ALG14: variants seen among roughly 807,000 people sequenced by gnomAD.
ALG14 encodes the protein ALG14 UDP-N-acetylglucosaminyltransferase subunit.
Under a neutral mutation model 22.8 loss-of-function variants are expected in ALG14, and 17 were observed. The observed-to-expected ratio is 0.75, with a 90% CI of 0.51 to 1.12. The LOEUF (loss-of-function observed/expected upper bound fraction) is 1.12. Ranked by LOEUF, ALG14 falls within the 50% of genes most tolerant of loss-of-function variation. The pLI is 0.00. For missense variants in ALG14, 288 were observed against 271.8 expected, an observed-to-expected ratio of 1.06 and a Z score of -0.42; for synonymous variants, 89 against 103.7, an observed-to-expected ratio of 0.86 and a Z score of 0.86.
At chr1:95,020,451 A>G (rs1402240176) in intron 3 of ALG14, among the ~76,000 whole-genome samples, 2 of 151,570 alleles carry the variant, frequency 1.3e-5, no homozygotes, top group Non-Finnish European at 2.9e-5. Flanking sequence ...AAAAATGCTA[A>G]GTGGTGGCCA....
chr1:95,041,148 C>T (rs1459308756), intron 2 of ALG14, among the ~76,000 whole-genome samples: 6 of 152,088 alleles, frequency 3.9e-5, no homozygotes, highest in African/African-American at 1.2e-4. Flanking sequence ...CAAATATTTT[C>T]TTATTCAAAT....
intron 2 of ALG14, among the ~76,000 whole-genome samples, chr1:95,032,251 A>G (rs566537401): frequency 6.6e-6 from 1 of 152,280 alleles, no homozygotes; most frequent in Admixed American, 6.5e-5. Flanking sequence ...CCATCTTCCT[A>G]TCACCTAGCT....
At chr1:95,052,521 T>C (rs1674781253) in intron 2 of ALG14, among the ~76,000 whole-genome samples, 1 of 152,206 alleles carries the variant, frequency 6.6e-6, no homozygotes, top group Admixed American at 6.5e-5. Context: ...GGAGATATTA[T>C]ATTTTTTCCT....
chr1:95,050,807 C>A (rs1322986464), intron 2 of ALG14, among the ~76,000 whole-genome samples: 1 of 151,998 alleles, frequency 6.6e-6, no homozygotes, highest in East Asian at 1.9e-4. Flanking sequence ...TAATAGAAGG[C>A]CCTAAGGCCC....
At chr1:95,009,030 A>G (rs150715497) in intron 3 of ALG14, among the ~76,000 whole-genome samples, 3 of 152,118 alleles carry the variant, frequency 2.0e-5, no homozygotes, top group Non-Finnish European at 2.9e-5. Flanking sequence ...CATTGTGTAT[A>G]TATACTACAT....
chr1:94,983,572 T>C (rs1557936895), intron 3 of ALG14: 3 of 451,526 alleles, frequency 6.6e-6, no homozygotes, highest in Non-Finnish European at 1.2e-5. Flanking sequence ...GCACAGTTCC[T>C]GGTGCTCAGT....
chr1:95,032,114 C>G (rs930417170), intron 2 of ALG14, among the ~76,000 whole-genome samples: 2 of 151,798 alleles, frequency 1.3e-5, no homozygotes, highest in African/African-American at 2.4e-5. Context: ...TGGCCCTGGG[C>G]CAGGAACTTT....
chr1:95,015,862 G>A (rs1044188896), intron 3 of ALG14, among the ~76,000 whole-genome samples: 1 of 152,242 alleles, frequency 6.6e-6, no homozygotes. Context: ...ACTGGGCATT[G>A]TGTAGACATT....
chr1:95,007,577 G>A (rs1557949741), intron 3 of ALG14, among the ~76,000 whole-genome samples: 1 of 152,322 alleles, frequency 6.6e-6, no homozygotes, highest in East Asian at 1.9e-4. Flanking sequence ...TCCCATTTTG[G>A]TCTGAGACTG....
chr1:95,066,348 C>T (rs535979929), intron 1 of ALG14, among the ~76,000 whole-genome samples: 4 of 152,140 alleles, frequency 2.6e-5, no homozygotes, highest in East Asian at 1.9e-4. Flanking sequence ...CTCAGCCTCC[C>T]GAGTAGCTGC....
Position 94,983,228 on chromosome 1 carries a change from C to G in ALG14, c.499G>C (p.Val167Leu). The stretch of plus-strand genomic sequence containing the variant: ...ATGCTTTCAACGTAGACAATGATCA[C>G]TTTCTTTATTCCTAGTATCCCAAGG... ...LLLGILGIKK[V>L]IIVYVESICR... Residue 167 changes from valine (V) to leucine (L), a missense_variant, in exon 4 of 4, where the codon GTG becomes CTG. Coordinates refer to ENST00000370205, the MANE Select transcript of ALG14 (RefSeq NM_144988.4). 1 of 1,614,138 alleles carries G rather than the reference C, an allele frequency of 6.2e-7. No homozygotes were observed. Among genetic ancestry groups the G allele is most frequent in the Non-Finnish European group, 8.5e-7 (1 of 1,180,016 alleles).
intron 1 of ALG14, among the ~76,000 whole-genome samples, chr1:95,071,178 G>A (rs894152066): frequency 7.2e-5 from 11 of 152,216 alleles, no homozygotes; most frequent in Non-Finnish European, 2.9e-5. Flanking sequence ...CATGTGTGGT[G>A]TTATGACAAC....
At chr1:95,008,900 AAAG>A (rs1673289280) in intron 3 of ALG14, among the ~76,000 whole-genome samples, 1 of 152,126 alleles carries the variant, frequency 6.6e-6, no homozygotes, top group Non-Finnish European at 1.5e-5. Context: ...TGGCTACCCC[AAAG>A]AAGTGGACTC....
chr1:95,047,643 C>T (rs1041059686), intron 2 of ALG14, among the ~76,000 whole-genome samples: 1 of 152,110 alleles, frequency 6.6e-6, no homozygotes, highest in African/African-American at 2.4e-5. Flanking sequence ...AGTGCCTGGC[C>T]TGTTTTTTTG....
intron 3 of ALG14, among the ~76,000 whole-genome samples, chr1:94,987,809 A>G (rs1057291179): frequency 6.6e-6 from 1 of 152,220 alleles, no homozygotes; most frequent in African/African-American, 2.4e-5. Flanking sequence ...TAGGTCAGAG[A>G]TCACGGAGTT....
chr1:95,065,968 T>C (rs1361338305), intron 1 of ALG14, among the ~76,000 whole-genome samples: 1 of 152,186 alleles, frequency 6.6e-6, no homozygotes, highest in Non-Finnish European at 1.5e-5. Flanking sequence ...GTCAAACTCC[T>C]TATCAAGGAG....
chr1:95,045,261 A>G (rs1294652864), intron 2 of ALG14, among the ~76,000 whole-genome samples: 2 of 152,050 alleles, frequency 1.3e-5, no homozygotes, highest in Non-Finnish European at 2.9e-5. Context: ...TTCTTTTTCA[A>G]TGTTTATACC....
chr1:94,995,902 G>A (rs1224880465), intron 3 of ALG14, among the ~76,000 whole-genome samples: 1 of 152,182 alleles, frequency 6.6e-6, no homozygotes, highest in African/African-American at 2.4e-5. Context: ...ACTTACAGAA[G>A]CTGAATGACA....
chr1:95,066,284 T>C (rs1375452587), intron 1 of ALG14, among the ~76,000 whole-genome samples: 1 of 152,098 alleles, frequency 6.6e-6, no homozygotes, highest in African/African-American at 2.4e-5. Context: ...AATACAATTG[T>C]GTGATCTCGG....
Sources: allele counts gnomAD v4.1 joint callset (sites outside exome capture counted in the v4.1 genomes callset), GRCh38; gene constraint gnomAD v4.1.1; transcripts MANE v1.5; gene names NCBI Gene and HGNC (gene_info 2026-07-23, HGNC 2026-07-21).